Variants in CXCL13 observed in about 807,000 individuals in gnomAD.
CXCL13 encodes C-X-C motif chemokine 13.
CXCL13 carries 7 observed loss-of-function variants against 12.2 expected under a neutral mutation model. The ratio of observed to expected loss-of-function variants is 0.57; its 90% CI spans 0.33 to 1.07. The LOEUF (loss-of-function observed/expected upper bound fraction) is 1.07. Among genes scored for constraint, CXCL13 ranks in the 50% least tolerant of loss-of-function variants. The probability of loss-of-function intolerance (pLI) is 0.04; values close to 1 mark genes in which losing one functional copy is unlikely to be tolerated. For synonymous variants in CXCL13, 47 were observed against 42.4 expected (o/e 1.11, Z -0.42); for missense variants, 113 against 127.4 (o/e 0.89, Z 0.55).
intron 1 of CXCL13, among the ~76,000 whole-genome samples, chr4:77,524,478 C>T (rs942958544): frequency 1.4e-4 from 21 of 152,182 alleles, no homozygotes; most frequent in East Asian, 3.9e-4. Flanking sequence ...CCTCACAGTT[C>T]GATCTCAGGC....
rs978633782 is a variant in CXCL13, at chr4:77,574,257, C to T, written c.-42-31567C>T. ...TCACCTTCAATGTCCCATGAGAGGA[C>T]CTATTATAATTTCTGACAGCCTAGA... On this transcript the variant is annotated intron_variant, in intron 1 of 4. Coordinates refer to the CXCL13 transcript ENST00000286758. 3.7e-4 allele frequency among the ~76,000 whole-genome samples: 56 copies of T among 151,858 alleles called. 1 individual carries two copies. The highest frequency in any genetic ancestry group is 1.4e-3 in the African/African-American group (56 of 41,202).
chr4:77,598,210 AGC>A (rs2109834222), intron 1 of CXCL13, among the ~76,000 whole-genome samples: 1 of 152,340 alleles, frequency 6.6e-6, no homozygotes, highest in South Asian at 2.1e-4. Flanking sequence ...CTCCTGTGGT[AGC>A]AGCTGAAGAT....
At chr4:77,603,761 G>A (rs989459752), upstream of CXCL13, among the ~76,000 whole-genome samples, 3 of 152,262 alleles carry the variant, frequency 2.0e-5, no homozygotes, top group Non-Finnish European at 1.5e-5. Context: ...AAATGTAGAA[G>A]CAATGGAGCA....
At chr4:77,518,709 T>A (rs1355213672) in intron 1 of CXCL13, among the ~76,000 whole-genome samples, 1 of 152,184 alleles carries the variant, frequency 6.6e-6, no homozygotes, top group Non-Finnish European at 1.5e-5. Context: ...AATTTTTTTC[T>A]AAGTTTTTAA....
chr4:77,545,694 C>T (rs1346517686), intron 1 of CXCL13, among the ~76,000 whole-genome samples: 3 of 152,176 alleles, frequency 2.0e-5, no homozygotes, highest in Non-Finnish European at 4.4e-5. Context: ...CATCTGCAAA[C>T]AGAGACAATT....
chr4:77,526,816 G>T (rs1301697685), intron 1 of CXCL13, among the ~76,000 whole-genome samples: 2 of 152,150 alleles, frequency 1.3e-5, no homozygotes, highest in Non-Finnish European at 2.9e-5. Context: ...CTTTCGTGAA[G>T]AAGAGGCCTT....
At chr4:77,564,770 G>T (rs758395937) in intron 1 of CXCL13, among the ~76,000 whole-genome samples, 17 of 152,080 alleles carry the variant, frequency 1.1e-4, no homozygotes, top group Non-Finnish European at 1.9e-4. Context: ...AAGTAAAATG[G>T]CTCTCCACTC....
At chr4:77,584,982 T>G (rs1476911499) in intron 1 of CXCL13, among the ~76,000 whole-genome samples, 1 of 152,228 alleles carries the variant, frequency 6.6e-6, no homozygotes, top group Non-Finnish European at 1.5e-5. Context: ...CTAAAGATTT[T>G]TTCTTCTTTA....
chr4:77,516,824 C>T (rs952432207), intron 1 of CXCL13, among the ~76,000 whole-genome samples: 1 of 151,994 alleles, frequency 6.6e-6, no homozygotes, highest in African/African-American at 2.4e-5. Context: ...CTGCTCTGAT[C>T]TTAGTTATTT....
intron 1 of CXCL13, among the ~76,000 whole-genome samples, chr4:77,531,360 A>T (rs1334278113): frequency 1.4e-5 from 2 of 140,080 alleles, no homozygotes; most frequent in Non-Finnish European, 3.0e-5. Context: ...TGTGAGTGAG[A>T]ACATGCGGTG....
intron 1 of CXCL13, among the ~76,000 whole-genome samples, chr4:77,528,993 A>G (rs945072983): frequency 1.3e-5 from 2 of 152,216 alleles, no homozygotes; most frequent in African/African-American, 2.4e-5. Context: ...AGCTTTCTAC[A>G]TATGGCTAGC....
intron 1 of CXCL13, among the ~76,000 whole-genome samples, chr4:77,562,244 C>A (rs1009235014): frequency 6.7e-6 from 1 of 148,150 alleles, no homozygotes; most frequent in Non-Finnish European, 1.5e-5. Context: ...TGGGCTCCTG[C>A]GAGGCCTGAG....
intron 1 of CXCL13, among the ~76,000 whole-genome samples, chr4:77,587,504 C>T (rs1480109267): frequency 6.6e-6 from 1 of 152,156 alleles, no homozygotes; most frequent in Non-Finnish European, 1.5e-5. Context: ...GTACTTGGTA[C>T]AATGGTGGCT....
chr4:77,519,551 T>G (rs867214906), intron 1 of CXCL13, among the ~76,000 whole-genome samples: 1 of 152,200 alleles, frequency 6.6e-6, no homozygotes, highest in African/African-American at 2.4e-5. Flanking sequence ...CTTTGCCTAC[T>G]TTTTGATGGG....
intron 1 of CXCL13, among the ~76,000 whole-genome samples, chr4:77,564,565 T>C (rs932936809): frequency 5.3e-5 from 8 of 152,260 alleles, no homozygotes; most frequent in Admixed American, 3.9e-4. Flanking sequence ...AAGGGACTTA[T>C]AGTCATCTCA....
chr4:77,593,381 G>A (rs1358284453), intron 1 of CXCL13, among the ~76,000 whole-genome samples: 1 of 152,164 alleles, frequency 6.6e-6, no homozygotes, highest in African/African-American at 2.4e-5. Flanking sequence ...TATGTGCCCT[G>A]TATTAGGAAT....
intron 1 of CXCL13, among the ~76,000 whole-genome samples, chr4:77,514,176 G>A (rs1483627188): frequency 6.6e-6 from 1 of 151,946 alleles, no homozygotes; most frequent in Non-Finnish European, 1.5e-5. Context: ...TGGTGTATAT[G>A]TGCCACATTT....
chr4:77,589,654 G>A (rs1726561228), intron 1 of CXCL13, among the ~76,000 whole-genome samples: 2 of 152,148 alleles, frequency 1.3e-5, no homozygotes, highest in African/African-American at 4.8e-5. Context: ...AAGGTGGGGG[G>A]ACTACTATCT....
intron 1 of CXCL13, among the ~76,000 whole-genome samples, chr4:77,528,623 C>T (rs1206410770): frequency 3.3e-5 from 5 of 152,062 alleles, no homozygotes; most frequent in South Asian, 2.1e-4. Context: ...TTTGATGGGC[C>T]TGTTTGTTTT....
Sources: gnomAD v4.1 joint callset for allele counts (sites outside exome capture counted in the v4.1 genomes callset) on GRCh38, gnomAD v4.1.1 for gene constraint, MANE v1.5 for transcripts, NCBI Gene and HGNC (gene_info 2026-07-23, HGNC 2026-07-21) for gene names.